SUSD5: variants seen among roughly 807,000 people sequenced by gnomAD.
The protein encoded by SUSD5 is sushi domain-containing protein 5.
Under a neutral mutation model 29.5 loss-of-function variants are expected in SUSD5, and 33 were observed. The ratio of observed to expected loss-of-function variants is 1.12; its 90% CI spans 0.85 to 1.49. The LOEUF (loss-of-function observed/expected upper bound fraction) is 1.49, where lower values mean the gene tolerates loss of function less well. SUSD5 is among the 40% of genes most tolerant of loss of function. The pLI is 0.00. For missense variants in SUSD5, 776 were observed against 800.6 expected (o/e 0.97, Z 0.37); for synonymous variants, 308 against 325.3 (o/e 0.95, Z 0.57).
At chr3:33,186,993 A>G (rs2031792199) in intron 3 of SUSD5, among the ~76,000 whole-genome samples, 1 of 152,192 alleles carries the variant, frequency 6.6e-6, no homozygotes, top group Non-Finnish European at 1.5e-5. Flanking sequence ...ATGTAGGTGA[A>G]GAATGAACCA....
At chr3:33,159,079 G>A (rs1356399225) in intron 4 of SUSD5, among the ~76,000 whole-genome samples, 1 of 152,166 alleles carries the variant, frequency 6.6e-6, no homozygotes, top group Non-Finnish European at 1.5e-5. Flanking sequence ...GAGTAAACAA[G>A]CTGTTTGTGC....
At chr3:33,158,630 A>G (rs1193510430) in intron 4 of SUSD5, among the ~76,000 whole-genome samples, 1 of 152,216 alleles carries the variant, frequency 6.6e-6, no homozygotes, top group Non-Finnish European at 1.5e-5. Context: ...TTCTTAATTA[A>G]AGAAAAGAAC....
chr3:33,179,253 G>A (rs2031617269), intron 3 of SUSD5, among the ~76,000 whole-genome samples: 1 of 152,142 alleles, frequency 6.6e-6, no homozygotes, highest in Admixed American at 6.6e-5. Context: ...GATCTGTAGT[G>A]ATGTCCCCTC....
At chr3:33,180,039 TACTC>T (rs1307329452) in intron 3 of SUSD5, among the ~76,000 whole-genome samples, 6 of 152,246 alleles carry the variant, frequency 3.9e-5, no homozygotes, top group African/African-American at 7.2e-5. Flanking sequence ...CAGTACAAAA[TACTC>T]AATAATGATA....
rs1312012785 is a variant in SUSD5 at position 33,151,402 on chromosome 3, G to T, written c.*1340C>A. The T allele has an allele frequency of 6.6e-6, 1 of 152,166 alleles. No homozygotes were observed. The highest frequency in any genetic ancestry group is 1.5e-5 in the Non-Finnish European group (1 of 68,058). 9.4% of individuals were successfully genotyped at this position (152,166 alleles called of 1,614,324 possible). On this transcript the variant is annotated 3_prime_UTR_variant, in exon 5 of 5. Coordinates refer to ENST00000309558, the MANE Select transcript of SUSD5 (RefSeq NM_015551.2). ...AATGGGTTACCCAACAGACAGGATGGATTCTGTTTCCACAGAGCTCCCAGT... is the reference window on the plus strand; with the variant it reads ...AATGGGTTACCCAACAGACAGGATGTATTCTGTTTCCACAGAGCTCCCAGT...
chr3:33,153,390 A>G lies in SUSD5; in HGVS notation c.1242T>C (p.Leu414=), dbSNP rs761562333. The change falls in exon 5 of 5, where the codon CTT becomes CTC. Residue 414 remains leucine (L), a synonymous_variant. Coordinates refer to ENST00000309558, the MANE Select transcript of SUSD5 (RefSeq NM_015551.2). ...NVLVTPDQPI[L]VEVKKPKSST... ...TACTCTTGGGCTTCTTAACTTCCAC[A>G]AGAATGGGCTGATCAGGAGTAACTA... 1.2e-6 allele frequency: 2 copies of G among 1,613,812 alleles called. No individual in the cohort carries two copies. The highest frequency in any genetic ancestry group is 2.2e-5 in the East Asian group (1 of 44,874).
chr3:33,199,255 C>A (rs957297140), intron 3 of SUSD5, among the ~76,000 whole-genome samples: 2 of 151,172 alleles, frequency 1.3e-5, no homozygotes, highest in African/African-American at 2.4e-5. Flanking sequence ...CACGTTTACA[C>A]ATATACACAA....
In SUSD5 at chr3:33,204,595, ACAG is replaced by A. The variant is rs540034836; in HGVS notation, c.409+3210_409+3212del. ...CTCGGCCTCCCAAAGTGCTGGGATTACAGGCTTGAGCCACCACACCCGGCCTGT... is the reference window on the plus strand; with the variant it reads ...CTCGGCCTCCCAAAGTGCTGGGATTAGCTTGAGCCACCACACCCGGCCTGT... On this transcript the variant is annotated intron_variant, in intron 3 of 4. Coordinates refer to ENST00000309558, the MANE Select transcript of SUSD5 (RefSeq NM_015551.2). This position sits in a 1 kb window ranked among gnomAD's most constrained non-coding sequence, Gnocchi z 4.5. Among the ~76,000 whole-genome samples the A allele has an allele frequency of 4.6e-4, 70 of 151,814 alleles. No homozygotes were observed. The highest frequency in any genetic ancestry group is 1.6e-3 in the African/African-American group (65 of 41,344).
chr3:33,199,355 G>T (rs941594056), intron 3 of SUSD5, among the ~76,000 whole-genome samples: 1 of 152,056 alleles, frequency 6.6e-6, no homozygotes, highest in Non-Finnish European at 1.5e-5. Flanking sequence ...CTCACTGCAG[G>T]CTCCGCCTCC....
chr3:33,187,301 T>C (rs552424596), intron 3 of SUSD5, among the ~76,000 whole-genome samples: 45 of 152,318 alleles, frequency 3.0e-4, no homozygotes, highest in African/African-American at 1.1e-3. Context: ...TTCTTCAGAA[T>C]TAATTTTCAA....
At chr3:33,213,881 G>A (rs1222757732) in intron 2 of SUSD5, 47 bp downstream of exon 2, 5 of 1,547,882 alleles carry the variant, frequency 3.2e-6, no homozygotes, top group Non-Finnish European at 4.4e-6. Context: ...ATAAGCCTTG[G>A]TGGTGCAACT....
At chr3:33,192,819 A>AAT (rs10662721) in intron 3 of SUSD5, among the ~76,000 whole-genome samples, 52,588 of 151,100 alleles carry the variant, frequency 0.35, 10,423 homozygotes, top group East Asian at 0.6. Flanking sequence ...TCTGTCAAAA[A>AAT]ATATATATAT....
Position 33,153,216 on chromosome 3 carries a change from T to C in SUSD5, c.1416A>G (p.Leu472=), listed in dbSNP as rs767615785. 1.9e-6 allele frequency: 3 copies of C among 1,613,688 alleles called. No homozygotes were observed. The East Asian group carries it at 6.7e-5, about 36-fold the overall frequency. Residue 472 remains leucine (L), a synonymous_variant, in exon 5 of 5, where the codon CTA becomes CTG. Coordinates refer to ENST00000309558, the MANE Select transcript of SUSD5 (RefSeq NM_015551.2). ...DGDLTKYQST[L]PWRFITEESP... ...ATTCCTCTGTGATGAATCTCCAGGG[T>C]AGAGTTGACTGGTACTTCGTCAAGT...
At chr3:33,199,305 G>A (rs950969849) in intron 3 of SUSD5, among the ~76,000 whole-genome samples, 1 of 150,796 alleles carries the variant, frequency 6.6e-6, no homozygotes, top group Non-Finnish European at 1.5e-5. Context: ...ACGGAGTCTC[G>A]CTCTGTTGCC....
chr3:33,166,561 C>G (rs1271430931), intron 4 of SUSD5, among the ~76,000 whole-genome samples: 1 of 152,186 alleles, frequency 6.6e-6, no homozygotes, highest in Non-Finnish European at 1.5e-5. Flanking sequence ...TCTCGCCACA[C>G]AGCCTGCCCA....
intron 3 of SUSD5, among the ~76,000 whole-genome samples, chr3:33,187,040 T>C (rs112009175): frequency 3.9e-5 from 6 of 152,270 alleles, no homozygotes; most frequent in African/African-American, 1.4e-4. Context: ...CTGGACCAAA[T>C]TCCAGCTGGT....
rs745630070 is a variant in SUSD5, at chr3:33,152,896, A to G, written c.1736T>C (p.Ile579Thr). ...GLSRGPVIAT[I>T]VTVLCLLLLL... Reference sequence around the variant, plus strand: ...CAGCAGTAGGCACAGGACGGTGACAATGGTGGCGATCACAGGGCCTCTGCT... The same window carrying G: ...CAGCAGTAGGCACAGGACGGTGACAGTGGTGGCGATCACAGGGCCTCTGCT... Residue 579 changes from isoleucine (I) to threonine (T), a missense_variant, in exon 5 of 5, where the codon ATT becomes ACT. Physicochemically the swap from Ile to Thr is moderately conservative, Grantham distance 89 (BLOSUM62 -1). Transcript: ENST00000309558. The G allele has an allele frequency of 8.7e-6, 14 of 1,613,802 alleles. No individual in the cohort carries two copies. The East Asian group carries it at 1.8e-4, about 21-fold the overall frequency.
chr3:33,169,540 G>A (rs2031377756), intron 4 of SUSD5, among the ~76,000 whole-genome samples: 1 of 152,158 alleles, frequency 6.6e-6, no homozygotes, highest in Admixed American at 6.5e-5. Context: ...CTTTAAATGA[G>A]TACAGTTTAT....
intron 3 of SUSD5, among the ~76,000 whole-genome samples, chr3:33,182,917 G>A (rs1455436479): frequency 2.6e-5 from 4 of 151,834 alleles, no homozygotes; most frequent in Admixed American, 2.6e-4. Flanking sequence ...CTCCTGAGTA[G>A]CTGGGACTAC....
Sources: allele counts gnomAD v4.1 joint callset (sites outside exome capture counted in the v4.1 genomes callset), GRCh38; gene constraint gnomAD v4.1.1; non-coding constraint Gnocchi (gnomAD v3.1); transcripts MANE v1.5; gene names NCBI Gene and HGNC (gene_info 2026-07-23, HGNC 2026-07-21).